Variants in RBFOX1 observed in about 807,000 individuals in gnomAD.
The protein encoded by RBFOX1 is RNA binding fox-1 homolog 1.
In RBFOX1, 8 loss-of-function variants were observed where a neutral mutation model predicts 57.7. That is an observed-to-expected ratio of 0.14 (90% confidence interval 0.08 to 0.25). RBFOX1 has a LOEUF of 0.25. Ranked by LOEUF, RBFOX1 falls within the 10% of genes least tolerant of loss-of-function variation. The pLI is 1.00. For synonymous variants in RBFOX1, 326 were observed against 222.4 expected, an observed-to-expected ratio of 1.47 and a Z score of -4.15; for missense variants, 611 against 548.5, an observed-to-expected ratio of 1.11 and a Z score of -1.14.
intron 2 of RBFOX1, among the ~76,000 whole-genome samples, chr16:5,484,995 G>A (rs1033293140): frequency 2.0e-5 from 3 of 151,908 alleles, no homozygotes; most frequent in African/African-American, 4.8e-5. Flanking sequence ...GGAGTTTGAA[G>A]CTTCCGTGAG....
chr16:5,880,261 C>T (rs2057729389), intron 4 of RBFOX1, among the ~76,000 whole-genome samples: 1 of 152,200 alleles, frequency 6.6e-6, no homozygotes, highest in Non-Finnish European at 1.5e-5. Flanking sequence ...GGGGTACAGT[C>T]AGCATTCACC....
At chr16:6,679,839 A>G (rs566553292) in intron 3 of RBFOX1, among the ~76,000 whole-genome samples, 8 of 150,666 alleles carry the variant, frequency 5.3e-5, no homozygotes, top group Non-Finnish European at 8.8e-5. Context: ...AGGCTAAACA[A>G]ACACTGGGAC....
intron 3 of RBFOX1, among the ~76,000 whole-genome samples, chr16:5,687,256 A>G (rs569256301): frequency 6.6e-6 from 1 of 152,172 alleles, no homozygotes; most frequent in East Asian, 1.9e-4. Flanking sequence ...GGAAAACCCA[A>G]GACTAGAAAC....
chr16:7,008,552 G>GAATTCAGTGA (rs1258109025), intron 3 of RBFOX1, among the ~76,000 whole-genome samples: 3 of 151,728 alleles, frequency 2.0e-5, no homozygotes, highest in African/African-American at 7.3e-5. Context: ...AAAAAAAGTA[G>GAATTCAGTGA]AATTCAGTGA....
intron 4 of RBFOX1, among the ~76,000 whole-genome samples, chr16:5,943,903 A>C (rs1180393293): frequency 6.6e-6 from 1 of 151,562 alleles, no homozygotes; most frequent in Non-Finnish European, 1.5e-5. Context: ...TCATCTACTC[A>C]TCCATCCATC....
Position 7,460,389 on chromosome 16 carries a change from A to ATATATATATATATGTGTGTG in RBFOX1, c.28-57757_28-57756insATATATATATATGTGTGTGT. Among the ~76,000 whole-genome samples the ATATATATATATATGTGTGTG allele has an allele frequency of 7.1e-4, 62 of 87,212 alleles. 1 individual carries two copies. Among genetic ancestry groups the ATATATATATATATGTGTGTG allele is most frequent in the African/African-American group, 3.5e-3 (54 of 15,364 alleles). 57.2% of individuals were successfully genotyped at this position (87,212 alleles called of 152,430 possible). A position where few individuals can be genotyped will look rare whatever the true frequency, so the allele number is the denominator to read the frequency against. On this transcript the variant is annotated intron_variant, in intron 4 of 15. Transcript: ENST00000550418. ...TAGCAAAATATATATATATATATATATGTGTGTGTGTGTGTGTGTGTGTGT... is the reference window on the plus strand; with the variant it reads ...TAGCAAAATATATATATATATATATATATATATATATATGTGTGTGTGTGTGTGTGTGTGTGTGTGTGTGT...
intron 4 of RBFOX1, among the ~76,000 whole-genome samples, chr16:7,073,489 A>G (rs1292064516): frequency 1.3e-5 from 2 of 152,116 alleles, no homozygotes. Flanking sequence ...GACCCCCTAC[A>G]ATTCGTTCTA....
At chr16:6,162,843 C>T (rs949145505) in intron 1 of RBFOX1, among the ~76,000 whole-genome samples, 1 of 152,168 alleles carries the variant, frequency 6.6e-6, no homozygotes, top group African/African-American at 2.4e-5. Context: ...AAGCAATTCT[C>T]CTGCTTCACC....
intron 3 of RBFOX1, among the ~76,000 whole-genome samples, chr16:7,013,585 A>G (rs1201940956): frequency 2.0e-5 from 3 of 152,344 alleles, no homozygotes; most frequent in East Asian, 3.9e-4. Context: ...GGTATAACCT[A>G]TCATTGCAAC....
chr16:7,526,457 C>T (rs1050475573), intron 5 of RBFOX1, among the ~76,000 whole-genome samples: 2 of 152,198 alleles, frequency 1.3e-5, no homozygotes, highest in Admixed American at 6.5e-5. Flanking sequence ...CCTCTCTGCT[C>T]TTATTTTTTC....
intron 2 of RBFOX1, among the ~76,000 whole-genome samples, chr16:5,472,327 C>G (rs540005516): frequency 7.9e-5 from 12 of 152,242 alleles, no homozygotes; most frequent in Admixed American, 4.6e-4. Context: ...CAAATGTGAT[C>G]TCGTGTAATC....
At chr16:7,389,460 G>A (rs375638507) in intron 4 of RBFOX1, among the ~76,000 whole-genome samples, 20 of 152,142 alleles carry the variant, frequency 1.3e-4, no homozygotes, top group African/African-American at 3.6e-4. Context: ...TGATTGGGGT[G>A]TGCTTGCTTC....
chr16:6,559,902 C>T (rs538153319), intron 2 of RBFOX1, among the ~76,000 whole-genome samples: 7 of 152,194 alleles, frequency 4.6e-5, no homozygotes, highest in African/African-American at 1.4e-4. Context: ...CTGGTTCCTT[C>T]CCTGAGTTCT....
intron 3 of RBFOX1, among the ~76,000 whole-genome samples, chr16:6,807,123 C>G (rs557570610): frequency 2.8e-4 from 43 of 151,938 alleles, no homozygotes; most frequent in African/African-American, 1.0e-3. Context: ...TGTAAGCCAC[C>G]GTGCCCAGCC....
At chr16:6,421,901 C>T (rs1407174980) in intron 2 of RBFOX1, among the ~76,000 whole-genome samples, 1 of 151,454 alleles carries the variant, frequency 6.6e-6, no homozygotes, top group African/African-American at 2.4e-5. Context: ...GGTCCTGTTC[C>T]TCCTGTTTAG....
chr16:7,256,575 A>G (rs143041046), intron 4 of RBFOX1, among the ~76,000 whole-genome samples: 2 of 152,218 alleles, frequency 1.3e-5, no homozygotes, highest in Non-Finnish European at 2.9e-5. Context: ...TACCATGTAA[A>G]CTGTGTGTGC....
chr16:5,597,128 G>GGTACAGGA (rs1045975279), intron 2 of RBFOX1, among the ~76,000 whole-genome samples: 1 of 152,138 alleles, frequency 6.6e-6, no homozygotes, highest in Non-Finnish European at 1.5e-5. Context: ...TCTTGTGGCT[G>GGTACAGGA]GTACAGGAAA....
At chr16:7,140,011 C>T (rs144624747) in intron 4 of RBFOX1, among the ~76,000 whole-genome samples, 6 of 152,086 alleles carry the variant, frequency 3.9e-5, no homozygotes, top group African/African-American at 9.6e-5. Context: ...CCCAGGACAC[C>T]TGGAAAAAGA....
At chr16:7,429,867 G>A (rs1262129057) in intron 4 of RBFOX1, among the ~76,000 whole-genome samples, 5 of 151,980 alleles carry the variant, frequency 3.3e-5, no homozygotes. Context: ...ACTATGTATT[G>A]CACACTCTTC....
Sources: gnomAD v4.1 joint callset for allele counts (sites outside exome capture counted in the v4.1 genomes callset) on GRCh38, gnomAD v4.1.1 for gene constraint, MANE v1.5 for transcripts, NCBI Gene and HGNC (gene_info 2026-07-23, HGNC 2026-07-21) for gene names.